The following CLASRP variants were observed in gnomAD, a reference collection of about 807,000 sequenced individuals.
The protein encoded by CLASRP is CLK4 associating serine/arginine rich protein, also known as CLK4-associating serine/arginine rich protein.
In CLASRP, 52 loss-of-function variants were observed where a neutral mutation model predicts 99.9. The observed-to-expected ratio is 0.52, with a 90% CI of 0.42 to 0.66. The LOEUF (loss-of-function observed/expected upper bound fraction) is 0.66. Ranked by LOEUF, CLASRP falls within the 30% of genes least tolerant of loss-of-function variation. The pLI, the probability that CLASRP is intolerant of heterozygous loss-of-function variation, is 0.00. For missense variants in CLASRP, 848 were observed against 999.2 expected (o/e 0.85, Z 2.04); for synonymous variants, 379 against 373.0 (o/e 1.02, Z -0.18).
intron 2 of CLASRP, among the ~76,000 whole-genome samples, chr19:45,051,623 AG>A (rs1175452681): frequency 6.6e-6 from 1 of 151,994 alleles, no homozygotes; most frequent in Non-Finnish European, 1.5e-5. Flanking sequence ...TTATTTCTGA[AG>A]GTTAGCAGGT....
chr19:45,056,290 T>G (rs1170215068), intron 5 of CLASRP, among the ~76,000 whole-genome samples, 160 bp from the exon 6 acceptor site: 1 of 152,204 alleles, frequency 6.6e-6, no homozygotes, highest in Non-Finnish European at 1.5e-5. Flanking sequence ...CAGTTGCTTG[T>G]GTCCCACCAG....
At position 45,068,419 on chromosome 19, in the gene CLASRP, G is replaced by A. The variant is rs368875870; in HGVS notation, c.1708-1G>A. Reference sequence around the variant, plus strand: ...TCCCGCCTCTTCTCCCCCCTCCCCAGCCCAAGCTGACGCCTCAGGAGAAGC... The same window carrying A: ...TCCCGCCTCTTCTCCCCCCTCCCCAACCCAAGCTGACGCCTCAGGAGAAGC... On this transcript the variant is annotated splice_acceptor_variant, in intron 15 of 20. Transcript: ENST00000221455. LOFTEE classifies it high-confidence loss of function. The A allele has an allele frequency of 6.8e-7, 1 of 1,465,962 alleles. No individual in the cohort carries two copies. The highest frequency in any genetic ancestry group is 1.1e-5 in the South Asian group (1 of 88,860). The allele number at this position is 1,465,962 out of a possible 1,614,324, so 90.8% of individuals were successfully genotyped here. A position where few individuals can be genotyped will look rare whatever the true frequency, so the allele number is the denominator to read the frequency against.
intron 6 of CLASRP, 144 bp from the exon 7 acceptor site, chr19:45,057,606 G>T: frequency 1.2e-6 from 1 of 859,060 alleles, no homozygotes; most frequent in Admixed American, 2.4e-5. Flanking sequence ...GGGAGGAGCT[G>T]GGTGTGGGCA....
chr19:45,043,017 A>G (rs866197458), intron 2 of CLASRP, among the ~76,000 whole-genome samples: 1 of 152,312 alleles, frequency 6.6e-6, no homozygotes, highest in African/African-American at 2.4e-5. Context: ...TTCATGCACA[A>G]AATTATTTAA....
intron 2 of CLASRP, among the ~76,000 whole-genome samples, chr19:45,046,361 T>C (rs1265556142): frequency 6.6e-6 from 1 of 152,232 alleles, no homozygotes. Flanking sequence ...CCTTGTCAAC[T>C]TTCCTTTTTA....
chr19:45,068,628 G>C lies in CLASRP; in HGVS notation c.1768+148G>C, dbSNP rs898579645. ...AGGTGCTCTGGGGAGGAATGGGTTT[G>C]CATCAGCTCCGCTGCCGCTATGCTG... On this transcript the variant is annotated intron_variant, in intron 16 of 20. Transcript: ENST00000221455. The C allele has an allele frequency of 3.1e-5, 21 of 684,422 alleles. No individual in the cohort carries two copies. The African/African-American group carries it at 3.8e-4, about 12-fold the overall frequency. The allele number at this position is 684,422 out of a possible 1,614,324, so 42.4% of individuals were successfully genotyped here. A position where few individuals can be genotyped will look rare whatever the true frequency, so the allele number is the denominator to read the frequency against.
chr19:45,043,434 A>AAAT (rs1555729335), intron 2 of CLASRP, among the ~76,000 whole-genome samples: 2 of 145,812 alleles, frequency 1.4e-5, no homozygotes. Flanking sequence ...AAAAAAAAAA[A>AAAT]TTTTTTCCAT....
Position 45,069,307 on chromosome 19 carries a change from A to AC in CLASRP, c.1874+61dup, listed in dbSNP as rs1026840113. The AC allele has an allele frequency of 2.6e-6, 4 of 1,557,078 alleles. No individual in the cohort carries two copies. In the African/African-American group the frequency reaches 5.4e-5, roughly 21 times the overall value. On this transcript the variant is annotated intron_variant, in intron 18 of 20. Transcript: ENST00000221455. ...ACCTCCTGGCCTGCCTGGCCTTCCC[A>AC]CCATGGGCTGCTGGCTCAAGCCCTG...
chr19:45,048,617 G>A (rs963503407), intron 2 of CLASRP, among the ~76,000 whole-genome samples: 1 of 151,522 alleles, frequency 6.6e-6, no homozygotes, highest in African/African-American at 2.4e-5. Flanking sequence ...TTGAATCCTA[G>A]TTCTGCTTAT....
chr19:45,064,770 C>T lies in CLASRP; in HGVS notation c.1409+140C>T, dbSNP rs1006521934. On this transcript the variant is annotated intron_variant, in intron 13 of 20. Transcript: ENST00000221455. The stretch of plus-strand genomic sequence containing the variant: ...CTAAGGGGACAGGCACAGGCCACTG[C>T]TCTTCCGCAGGAAGCCCTTGGTTGG... 6 of 1,410,476 alleles carry T rather than the reference C, an allele frequency of 4.3e-6. No individual in the cohort carries two copies. In the African/African-American group the frequency reaches 7.3e-5, roughly 17 times the overall value. 87.4% of individuals were successfully genotyped at this position (1,410,476 alleles called of 1,614,324 possible).
At chr19:45,056,357 C>G in intron 5 of CLASRP, 93 bp from the exon 6 acceptor site, 2 of 1,095,528 alleles carry the variant, frequency 1.8e-6, no homozygotes, top group Non-Finnish European at 2.8e-6. Flanking sequence ...TGGGGTTGCA[C>G]CTGTCTTCCT....
chr19:45,064,540 G>C lies in CLASRP; in HGVS notation c.1319G>C (p.Arg440Pro). The C allele has an allele frequency of 1.3e-6, 2 of 1,538,190 alleles. No individual in the cohort carries two copies. The highest frequency in any genetic ancestry group is 1.7e-6 in the Non-Finnish European group (2 of 1,146,394). The change falls in exon 13 of 21, where the codon CGG becomes CCG. Residue 440 changes from arginine to proline, a missense_variant. Around this residue, in one of 8 missense-constraint regions of CLASRP, gnomAD observed 489 missense variants for 434.7 expected, o/e 1.12. Coordinates refer to ENST00000221455, the MANE Select transcript of CLASRP (RefSeq NM_007056.3). ...RRYSRSRSRG[R>P]RHSGGGSRDG... ...TATTCCCGGTCCCGTAGCCGTGGCC[G>C]GCGGCACTCAGGTGGGGGCTCCCGA...
In CLASRP at chr19:45,067,859, G is replaced by A. The variant is rs1967129090; in HGVS notation, c.1668-156G>A. ...AGGGGGACAGGTCCCTGTCTTACAGGTTCTGTGGGGTCTGAGAGGGACATG... is the reference window on the plus strand; with the variant it reads ...AGGGGGACAGGTCCCTGTCTTACAGATTCTGTGGGGTCTGAGAGGGACATG... On this transcript the variant is annotated intron_variant, in intron 14 of 20. Coordinates refer to ENST00000221455, the MANE Select transcript of CLASRP (RefSeq NM_007056.3). This position sits in a 1 kb window ranked among gnomAD's most constrained non-coding sequence, Gnocchi z 4.9. 6.6e-6 allele frequency among the ~76,000 whole-genome samples: 1 copy of A among 152,128 alleles called. No individual in the cohort carries two copies. Among genetic ancestry groups the A allele is most frequent in the African/African-American group, 2.4e-5 (1 of 41,426 alleles).
chr19:45,053,429 C>T (rs1313242028), intron 5 of CLASRP, among the ~76,000 whole-genome samples: 1 of 151,972 alleles, frequency 6.6e-6, no homozygotes, highest in African/African-American at 2.4e-5. Context: ...ACTCTGTGGT[C>T]CGTTTTTCTT....
At chr19:45,052,925 G>A (rs770898033) in intron 4 of CLASRP, 33 bp downstream of exon 4, 3 of 1,574,186 alleles carry the variant, frequency 1.9e-6, no homozygotes, top group South Asian at 2.3e-5. Context: ...GCCAGGCACA[G>A]CGTCATACCC....
Position 45,068,408 on chromosome 19 carries a change from C to G in CLASRP, c.1708-12C>G. The G allele has an allele frequency of 1.3e-6, 2 of 1,586,940 alleles. No homozygotes were observed. The highest frequency in any genetic ancestry group is 2.2e-5 in the South Asian group (2 of 90,514). ...CCCACCCCCTCTCCCGCCTCTTCTC[C>G]CCCCTCCCCAGCCCAAGCTGACGCC... On this transcript the variant is annotated splice_polypyrimidine_tract_variant and intron_variant, in intron 15 of 20. Coordinates refer to ENST00000221455, the MANE Select transcript of CLASRP (RefSeq NM_007056.3).
intron 2 of CLASRP, among the ~76,000 whole-genome samples, chr19:45,044,072 G>A (rs560757360): frequency 6.6e-6 from 1 of 152,196 alleles, no homozygotes; most frequent in African/African-American, 2.4e-5. Context: ...AGTAGAGACA[G>A]GGTTTCACCA....
At chr19:45,058,010 A>G in intron 7 of CLASRP, 112 bp downstream of exon 7, 1 of 1,379,568 alleles carries the variant, frequency 7.2e-7, no homozygotes, top group Non-Finnish European at 9.9e-7. Context: ...CTCTCTCCCT[A>G]CCCCGCCCCA....
chr19:45,061,821 C>T (rs1422071589), intron 10 of CLASRP, among the ~76,000 whole-genome samples: 5 of 151,700 alleles, frequency 3.3e-5, no homozygotes, highest in Non-Finnish European at 5.9e-5. Flanking sequence ...TTAGTAAGCC[C>T]GGACCCAGTG....
Sources: gnomAD v4.1 joint callset for allele counts (sites outside exome capture counted in the v4.1 genomes callset) on GRCh38, gnomAD v4.1.1 for gene constraint, gnomAD v4.1.1 regional missense constraint, Gnocchi (gnomAD v3.1) non-coding constraint, MANE v1.5 for transcripts, NCBI Gene and HGNC (gene_info 2026-07-23, HGNC 2026-07-21) for gene names.